The following ZFHX3 variants were observed in gnomAD, a reference collection of about 807,000 sequenced individuals.
ZFHX3 encodes zinc finger homeobox 3, also known as zinc finger homeobox protein 3.
A neutral mutation model predicts 279.1 loss-of-function variants in ZFHX3; 42 were observed. The ratio of observed to expected loss-of-function variants is 0.15; its 90% CI spans 0.12 to 0.19. The LOEUF (loss-of-function observed/expected upper bound fraction) is 0.19, where lower values mean the gene tolerates loss of function less well. ZFHX3 is among the 10% of genes least tolerant of loss of function. The pLI is 1.00. For missense variants in ZFHX3, 4,981 were observed against 4,754.0 expected, an observed-to-expected ratio of 1.05 and a Z score of -1.40; for synonymous variants, 2,293 against 1,957.8, an observed-to-expected ratio of 1.17 and a Z score of -4.52.
At chr16:73,517,823 G>C (rs1025831045) in intron 2 of ZFHX3, among the ~76,000 whole-genome samples, 6 of 152,148 alleles carry the variant, frequency 3.9e-5, no homozygotes, top group Non-Finnish European at 8.8e-5. Flanking sequence ...GTCTAAAGCA[G>C]TGTTTTCTAA....
rs1196955747 is a variant in ZFHX3 at position 73,169,072 on chromosome 16, G to A, written c.-1103-25241C>T. ...AAAGGTGCAATAAGGTTAGGGTGTT[G>A]AAATTGGAGGATATTTGTGAGGGTA... On this transcript the variant is annotated intron_variant, in intron 5 of 17. Transcript: ENST00000641206. 4.6e-5 allele frequency among the ~76,000 whole-genome samples: 7 copies of A among 152,358 alleles called. No individual in the cohort carries two copies. The East Asian group carries it at 1.3e-3, about 29-fold the overall frequency.
chr16:73,483,239 C>T (rs1267269934), intron 2 of ZFHX3: 1 of 373,520 alleles, frequency 2.7e-6, no homozygotes, highest in Non-Finnish European at 5.2e-6. Flanking sequence ...ACGCCTGGCC[C>T]AGAGGTCCAT....
intron 1 of ZFHX3, among the ~76,000 whole-genome samples, chr16:73,808,263 G>A (rs1044840551): frequency 6.6e-6 from 1 of 152,222 alleles, no homozygotes; most frequent in Non-Finnish European, 1.5e-5. Flanking sequence ...GAGAATAATT[G>A]AGAAATAAAT....
In ZFHX3 at chr16:73,879,178, G is replaced by A. The variant is rs1028827302; in HGVS notation, c.-1608+12473C>T. 6.0e-5 allele frequency among the ~76,000 whole-genome samples: 9 copies of A among 150,182 alleles called. No homozygotes were observed. In the South Asian group the frequency reaches 6.3e-4, roughly 10 times the overall value. On this transcript the variant is annotated intron_variant, in intron 1 of 17. Transcript: ENST00000641206. ...TGCAATCTCTAGCTTGTGATTTTTC[G>A]CAAGCAGTTTGTGTTAGCATTTGCT...
At chr16:73,149,244 TTA>T (rs1490281612) in intron 5 of ZFHX3, among the ~76,000 whole-genome samples, 2 of 75,842 alleles carry the variant, frequency 2.6e-5, no homozygotes, top group African/African-American at 5.8e-5. Flanking sequence ...TTACTATATT[TTA>T]TATTATATTA....
At chr16:73,856,893 T>C (rs1961744286) in intron 1 of ZFHX3, among the ~76,000 whole-genome samples, 1 of 152,218 alleles carries the variant, frequency 6.6e-6, no homozygotes, top group Admixed American at 6.5e-5. Context: ...TGCCCCACCG[T>C]TGTTTGAACA....
intron 1 of ZFHX3, among the ~76,000 whole-genome samples, chr16:72,981,861 C>A (rs547039273): frequency 6.7e-6 from 1 of 149,806 alleles, no homozygotes; most frequent in African/African-American, 2.5e-5. Flanking sequence ...ATGCACACAG[C>A]GTTTTACACA....
rs528225094 is a variant in ZFHX3 at position 72,884,938 on chromosome 16, C to T, written c.3448+4793G>A. 5.3e-5 allele frequency among the ~76,000 whole-genome samples: 8 copies of T among 152,264 alleles called. No individual in the cohort carries two copies. In the East Asian group the frequency reaches 7.7e-4, roughly 15 times the overall value. On this transcript the variant is annotated intron_variant, in intron 4 of 9. Coordinates refer to ENST00000268489, the MANE Select transcript of ZFHX3 (RefSeq NM_006885.4). The stretch of plus-strand genomic sequence containing the variant: ...GGTGGGTAAGTATGAAATGCCGAGA[C>T]GAAATCCCAACCAATTCCAGAGACT...
At chr16:72,996,140 C>T (rs573158264) in intron 1 of ZFHX3, among the ~76,000 whole-genome samples, 1 of 151,592 alleles carries the variant, frequency 6.6e-6, no homozygotes, top group East Asian at 2.0e-4. Flanking sequence ...ACACACGAGC[C>T]GGGCATGGTG....
At chr16:73,798,014 G>T (rs1960044482) in intron 1 of ZFHX3, among the ~76,000 whole-genome samples, 1 of 151,798 alleles carries the variant, frequency 6.6e-6, no homozygotes, top group African/African-American at 2.4e-5. Flanking sequence ...TCACCATGTT[G>T]CCCAGGCTGG....
intron 1 of ZFHX3, among the ~76,000 whole-genome samples, chr16:73,871,854 C>G (rs2029862756): frequency 6.6e-6 from 1 of 152,134 alleles, no homozygotes; most frequent in Non-Finnish European, 1.5e-5. Flanking sequence ...AGACACAGAG[C>G]CACCTGAACT....
chr16:73,743,258 C>G (rs879817805), intron 1 of ZFHX3, among the ~76,000 whole-genome samples: 2 of 152,218 alleles, frequency 1.3e-5, no homozygotes, highest in Non-Finnish European at 2.9e-5. Context: ...CAATCTGCTT[C>G]ACTCTTTGAT....
intron 1 of ZFHX3, among the ~76,000 whole-genome samples, chr16:73,717,546 A>G (rs1381232073): frequency 6.6e-6 from 1 of 152,182 alleles, no homozygotes; most frequent in Non-Finnish European, 1.5e-5. Flanking sequence ...CACTAAATGC[A>G]TTTTTGACGC....
chr16:73,237,796 G>A (rs1283039001), intron 5 of ZFHX3, among the ~76,000 whole-genome samples: 3 of 151,998 alleles, frequency 2.0e-5, no homozygotes, highest in African/African-American at 4.8e-5. Flanking sequence ...TCCTGCCAGC[G>A]AGGAAGAACC....
rs887608756 is a variant in ZFHX3, at chr16:73,816,630, G to C, written c.-1608+75021C>G. ...GAACAAAGAAGATTTTAAAAGAGAT[G>C]GGGGGGGAGAGAAAAAGAGAGAGGG... On this transcript the variant is annotated intron_variant, in intron 1 of 17. Coordinates refer to the ZFHX3 transcript ENST00000641206. Among the ~76,000 whole-genome samples, 19 of 59,418 alleles carry C rather than the reference G, an allele frequency of 3.2e-4. No homozygotes were observed. In the East Asian group the frequency reaches 7.3e-3, roughly 23 times the overall value. The allele number at this position is 59,418 out of a possible 152,430, so 39.0% of individuals were successfully genotyped here.
intron 1 of ZFHX3, among the ~76,000 whole-genome samples, chr16:73,858,618 T>C (rs1247098070): frequency 1.3e-5 from 2 of 152,228 alleles, no homozygotes; most frequent in African/African-American, 2.4e-5. Context: ...TGTAAATAGA[T>C]GACATATGGG....
chr16:73,337,000 T>A (rs772355042), intron 3 of ZFHX3, among the ~76,000 whole-genome samples: 43 of 152,302 alleles, frequency 2.8e-4, no homozygotes, highest in Admixed American at 1.4e-3. Flanking sequence ...ACTCCTGGTC[T>A]GACCACCACT....
Position 72,836,408 on chromosome 16 carries a change from C to G in ZFHX3, c.3449-6549G>C, listed in dbSNP as rs149168414. 4.6e-3 allele frequency among the ~76,000 whole-genome samples: 696 copies of G among 152,312 alleles called. 10 individuals are homozygous for G. The highest frequency in any genetic ancestry group is 0.015 in the African/African-American group (632 of 41,570). On this transcript the variant is annotated intron_variant, in intron 4 of 9. Coordinates refer to ENST00000268489, the MANE Select transcript of ZFHX3 (RefSeq NM_006885.4). ...TTTATTCCATGGTGTTCTTCCAGCC[C>G]TGACAACCTGGCTAGATGCCCGAGA...
chr16:73,301,552 C>T (rs983590454), intron 4 of ZFHX3, among the ~76,000 whole-genome samples: 1 of 152,164 alleles, frequency 6.6e-6, no homozygotes. Flanking sequence ...GCCAAATGTC[C>T]TCTGGACAGG....
Sources: gnomAD v4.1 joint callset for allele counts (sites outside exome capture counted in the v4.1 genomes callset) on GRCh38, gnomAD v4.1.1 for gene constraint, MANE v1.5 for transcripts, NCBI Gene and HGNC (gene_info 2026-07-23, HGNC 2026-07-21) for gene names.